Variants in PTPRD observed in about 807,000 individuals in gnomAD.
PTPRD encodes protein tyrosine phosphatase receptor type D, also known as receptor-type tyrosine-protein phosphatase delta.
PTPRD carries 34 observed loss-of-function variants against 214.5 expected under a neutral mutation model. The observed-to-expected ratio is 0.16, with a 90% CI of 0.12 to 0.21. PTPRD has a LOEUF of 0.21. Ranked by LOEUF, PTPRD falls within the 10% of genes least tolerant of loss-of-function variation. PTPRD has a pLI of 1.00. For missense variants in PTPRD, 2,545 were observed against 2,398.7 expected, an observed-to-expected ratio of 1.06 and a Z score of -1.27; for synonymous variants, 1,128 against 845.7, an observed-to-expected ratio of 1.33 and a Z score of -5.79.
intron 12 of PTPRD, among the ~76,000 whole-genome samples, chr9:8,688,380 C>T (rs1426048615): frequency 6.6e-6 from 1 of 151,992 alleles, no homozygotes; most frequent in East Asian, 1.9e-4. Flanking sequence ...TCCTAGCTAA[C>T]ATGGTGAAAC....
chr9:8,464,131 A>G (rs980300309), intron 32 of PTPRD, among the ~76,000 whole-genome samples: 6 of 151,880 alleles, frequency 4.0e-5, no homozygotes, highest in Non-Finnish European at 5.9e-5. Context: ...ATCAGAAACC[A>G]CAGTGTGTAG....
At chr9:8,560,519 T>C (rs1419093941) in intron 14 of PTPRD, among the ~76,000 whole-genome samples, 1 of 150,960 alleles carries the variant, frequency 6.6e-6, no homozygotes, top group Non-Finnish European at 1.5e-5. Flanking sequence ...TTAAGAGTAA[T>C]CAACATATAA....
At chr9:9,638,915 G>A (rs979288699) in intron 7 of PTPRD, among the ~76,000 whole-genome samples, 2 of 152,056 alleles carry the variant, frequency 1.3e-5, no homozygotes, top group African/African-American at 4.8e-5. Context: ...AGCAGAAGGT[G>A]AAGGAGTAGA....
At chr9:9,310,735 C>G (rs192182682) in intron 9 of PTPRD, among the ~76,000 whole-genome samples, 1 of 151,764 alleles carries the variant, frequency 6.6e-6, no homozygotes, top group Non-Finnish European at 1.5e-5. Context: ...CTGACCAACA[C>G]GGAGAAATGC....
intron 3 of PTPRD, among the ~76,000 whole-genome samples, chr9:10,185,751 T>C (rs1045764904): frequency 9.9e-5 from 15 of 152,258 alleles, no homozygotes; most frequent in Middle Eastern, 3.4e-3. Flanking sequence ...GTTTTTTTTT[T>C]CCCTGTTGTT....
intron 11 of PTPRD, among the ~76,000 whole-genome samples, chr9:8,736,776 C>G (rs1371285395): frequency 6.6e-6 from 1 of 151,802 alleles, no homozygotes; most frequent in Admixed American, 6.6e-5. Context: ...AATCCAGAAG[C>G]TGGCCAGCTG....
rs189081279 is a variant in PTPRD, at chr9:10,108,803, C to G, written c.-544-75013G>C. Among the ~76,000 whole-genome samples, 54 of 151,728 alleles carry G rather than the reference C, an allele frequency of 3.6e-4. 1 individual carries two copies. The highest frequency in any genetic ancestry group is 8.5e-4 in the Admixed American group (13 of 15,220). On this transcript the variant is annotated intron_variant, in intron 3 of 45. Coordinates refer to ENST00000381196, the MANE Select transcript of PTPRD (RefSeq NM_002839.4). ...ATCCTTAAAAAAGAGGAAAGCCTGT[C>G]CTGTATAAGAACAGATAAACCTGGA...
chr9:8,376,238 A>C, intron 38 of PTPRD, 148 bp from the exon 39 acceptor site: 1 of 935,512 alleles, frequency 1.1e-6, no homozygotes, highest in South Asian at 1.8e-5. Context: ...CTTTGGAAAT[A>C]GAAACCCCAA....
In PTPRD at chr9:10,460,139, C is replaced by A. The variant is rs538358609; in HGVS notation, c.-599-119122G>T. Among the ~76,000 whole-genome samples the A allele has an allele frequency of 1.3e-4, 20 of 151,864 alleles. No individual in the cohort carries two copies. The South Asian group carries it at 4.2e-3, about 32-fold the overall frequency. Reference sequence around the variant, plus strand: ...TAAATCAAGAAAACAATCCCATTTACAATAGCATAAAAAGCTTAGGAATAA... The same window carrying A: ...TAAATCAAGAAAACAATCCCATTTAAAATAGCATAAAAAGCTTAGGAATAA... On this transcript the variant is annotated intron_variant, in intron 2 of 45. Transcript: ENST00000381196.
intron 5 of PTPRD, among the ~76,000 whole-genome samples, chr9:9,897,516 A>G (rs977704049): frequency 1.3e-4 from 20 of 152,060 alleles, no homozygotes; most frequent in Admixed American, 1.2e-3. Flanking sequence ...TTTTTCTTCA[A>G]TAGGACTATA....
intron 6 of PTPRD, among the ~76,000 whole-genome samples, chr9:9,746,450 A>T (rs2761702): frequency 0.53 from 80,429 of 152,090 alleles, 24,541 homozygotes; most frequent in African/African-American, 0.83. Context: ...ATGAGGAACC[A>T]CCTCTTCAGT....
At chr9:8,799,338 C>G (rs2096523266) in intron 11 of PTPRD, among the ~76,000 whole-genome samples, 1 of 152,174 alleles carries the variant, frequency 6.6e-6, no homozygotes, top group Non-Finnish European at 1.5e-5. Context: ...GAAAGAATCC[C>G]TGGAGGCAGC....
intron 11 of PTPRD, among the ~76,000 whole-genome samples, chr9:8,759,247 C>A (rs756907322): frequency 4.6e-5 from 7 of 151,990 alleles, no homozygotes; most frequent in Non-Finnish European, 7.4e-5. Context: ...AGATAGGGTT[C>A]TACTATGTTG....
chr9:9,884,189 A>G (rs1049278565), intron 5 of PTPRD, among the ~76,000 whole-genome samples: 1 of 152,052 alleles, frequency 6.6e-6, no homozygotes. Flanking sequence ...TCCTTCAAAC[A>G]TTGACTATGG....
chr9:9,256,775 G>A lies in PTPRD; in HGVS notation c.-202-73412C>T, dbSNP rs189599662. On this transcript the variant is annotated intron_variant, in intron 9 of 45. Transcript: ENST00000381196. ...AATGTCATTCCTCTATATAAAAATC[G>A]ACAATCTTCTTGTCCTGCCTCTCTG... Among the ~76,000 whole-genome samples the A allele has an allele frequency of 1.9e-3, 294 of 151,860 alleles. 1 individual carries two copies. Among genetic ancestry groups the A allele is most frequent in the African/African-American group, 6.1e-3 (251 of 41,462 alleles).
chr9:9,417,350 A>G (rs1298139909), intron 8 of PTPRD, among the ~76,000 whole-genome samples: 4 of 152,122 alleles, frequency 2.6e-5, no homozygotes, highest in Non-Finnish European at 5.9e-5. Context: ...TTATGTTAAA[A>G]TCAATTCTAA....
chr9:8,672,819 C>A (rs1044412577), intron 12 of PTPRD, among the ~76,000 whole-genome samples: 2 of 114,654 alleles, frequency 1.7e-5, no homozygotes, highest in African/African-American at 3.5e-5. Context: ...CCTTCATTTT[C>A]CAACATCTTA....
At chr9:9,903,152 A>T (rs767181496) in intron 5 of PTPRD, among the ~76,000 whole-genome samples, 1 of 152,168 alleles carries the variant, frequency 6.6e-6, no homozygotes, top group Admixed American at 6.6e-5. Context: ...GTTGAATCAA[A>T]TAATTTTCTT....
chr9:10,418,853 G>A (rs2098519426), intron 2 of PTPRD, among the ~76,000 whole-genome samples: 1 of 151,808 alleles, frequency 6.6e-6, no homozygotes, highest in African/African-American at 2.4e-5. Context: ...AGATTCCTAA[G>A]CCCTCCTAGA....
Sources: allele counts gnomAD v4.1 joint callset (sites outside exome capture counted in the v4.1 genomes callset), GRCh38; gene constraint gnomAD v4.1.1; transcripts MANE v1.5; gene names NCBI Gene and HGNC (gene_info 2026-07-23, HGNC 2026-07-21).